The following GUCY1A2 variants were observed in gnomAD, a reference collection of about 807,000 sequenced individuals.
GUCY1A2 encodes the protein guanylate cyclase soluble subunit alpha-2.
Under a neutral mutation model 63.5 loss-of-function variants are expected in GUCY1A2, and 27 were observed. That is an observed-to-expected ratio of 0.43 (90% confidence interval 0.31 to 0.59). The LOEUF is 0.59. Ranked by LOEUF, GUCY1A2 falls within the 20% of genes least tolerant of loss-of-function variation. The pLI, the probability that GUCY1A2 is intolerant of heterozygous loss-of-function variation, is 0.11. For synonymous variants in GUCY1A2, 364 were observed against 343.5 expected, an observed-to-expected ratio of 1.06 and a Z score of -0.66; for missense variants, 768 against 913.3, an observed-to-expected ratio of 0.84 and a Z score of 2.05.
intron 4 of GUCY1A2, among the ~76,000 whole-genome samples, chr11:106,935,634 G>A (rs112622045): frequency 1.3e-5 from 2 of 152,098 alleles, no homozygotes; most frequent in Non-Finnish European, 2.9e-5. Context: ...GAGGTCAGGA[G>A]TTTGAGACGA....
intron 5 of GUCY1A2, among the ~76,000 whole-genome samples, chr11:106,780,212 C>CAAATATTAGAAACAAT (rs1259057025): frequency 9.9e-5 from 15 of 151,626 alleles, no homozygotes; most frequent in African/African-American, 3.6e-4. Flanking sequence ...ATTTAGTTTC[C>CAAATATTAGAAACAAT]AAATATTAGA....
Position 106,986,050 on chromosome 11 carries a change from C to T in GUCY1A2, c.365+20G>A, listed in dbSNP as rs763374332. 43 of 1,241,474 alleles carry T rather than the reference C, an allele frequency of 3.5e-5. 1 individual carries two copies. The highest frequency in any genetic ancestry group is 3.7e-4 in the Middle Eastern group (2 of 5,342). 76.9% of individuals were successfully genotyped at this position (1,241,474 alleles called of 1,614,324 possible). A position where few individuals can be genotyped will look rare whatever the true frequency, so the allele number is the denominator to read the frequency against. On this transcript the variant is annotated intron_variant, in intron 2 of 7. Coordinates refer to ENST00000526355, the MANE Select transcript of GUCY1A2 (RefSeq NM_000855.3). ...CCTTTAATTTGTCCCCAATAATAAC[C>T]GAAATCAATTTTTACTTACCCAATA...
At chr11:106,932,901 A>G (rs746850687) in intron 4 of GUCY1A2, among the ~76,000 whole-genome samples, 8 of 152,172 alleles carry the variant, frequency 5.3e-5, no homozygotes, top group Non-Finnish European at 8.8e-5. Context: ...GTGCTGGGAT[A>G]GCTGGCTAGC....
At chr11:106,758,881 G>A (rs930936141) in intron 6 of GUCY1A2, among the ~76,000 whole-genome samples, 2 of 152,178 alleles carry the variant, frequency 1.3e-5, no homozygotes, top group Non-Finnish European at 2.9e-5. Context: ...AAAGGGGAGA[G>A]ATGAAAGGCA....
intron 5 of GUCY1A2, among the ~76,000 whole-genome samples, chr11:106,787,072 G>A (rs1373225630): frequency 6.6e-6 from 1 of 151,746 alleles, no homozygotes; most frequent in African/African-American, 2.4e-5. Flanking sequence ...AAAATATTAA[G>A]AATTCATTTT....
In GUCY1A2 at chr11:106,708,655, T is replaced by A; in HGVS notation, c.1848A>T (p.Gly616=). The stretch of plus-strand genomic sequence containing the variant: ...CAGCCAGCACGGAGCCTGAGTGAAT[T>A]CCTATCCTCATCTAAAGAAGAATGA... ...PDGRPIQMRI[G]IHSGSVLAGV... The change falls in exon 7 of 8, where the codon GGA becomes GGT. Residue 616 remains glycine (G), a synonymous_variant. Transcript: ENST00000526355. The A allele has an allele frequency of 6.3e-7, 1 of 1,596,474 alleles. No individual in the cohort carries two copies. The highest frequency in any genetic ancestry group is 8.5e-7 in the Non-Finnish European group (1 of 1,169,604).
At chr11:106,895,321 T>A (rs927693892) in intron 4 of GUCY1A2, among the ~76,000 whole-genome samples, 1 of 152,212 alleles carries the variant, frequency 6.6e-6, no homozygotes, top group Non-Finnish European at 1.5e-5. Flanking sequence ...AAATAAATTA[T>A]ACCATGCCAT....
rs1363743543 is a variant in GUCY1A2 at position 107,018,174 on chromosome 11, G to A, written c.-119C>T. 5 of 449,542 alleles carry A rather than the reference G, an allele frequency of 1.1e-5. No homozygotes were observed. Among genetic ancestry groups the A allele is most frequent in the Non-Finnish European group, 1.7e-5 (5 of 299,810 alleles). 27.8% of individuals were successfully genotyped at this position (449,542 alleles called of 1,614,324 possible). A position where few individuals can be genotyped will look rare whatever the true frequency, so the allele number is the denominator to read the frequency against. ...AAGCGCGTCGGGGCCGCGGGGCGCT[G>A]CGGTCGCGCCCGGCGGGGCGGGAGT... On this transcript the variant is annotated 5_prime_UTR_variant, in exon 1 of 8. Coordinates refer to ENST00000526355, the MANE Select transcript of GUCY1A2 (RefSeq NM_000855.3).
intron 4 of GUCY1A2, among the ~76,000 whole-genome samples, chr11:106,825,466 G>T (rs1858956518): frequency 6.8e-6 from 1 of 146,270 alleles, no homozygotes; most frequent in Admixed American, 6.9e-5. Context: ...AAAAAAAATT[G>T]CAAGAAAAAT....
chr11:106,977,330 AT>A (rs1861275692), intron 3 of GUCY1A2, among the ~76,000 whole-genome samples: 2 of 151,774 alleles, frequency 1.3e-5, no homozygotes, highest in African/African-American at 4.8e-5. Flanking sequence ...CCCATCCCTT[AT>A]TTTCTCCAGT....
chr11:106,941,537 T>C (rs576703092), intron 3 of GUCY1A2, among the ~76,000 whole-genome samples: 1 of 152,318 alleles, frequency 6.6e-6, no homozygotes, highest in African/African-American at 2.4e-5. Context: ...ATTTCCATCA[T>C]CTCATTTGAA....
At chr11:107,014,556 C>T (rs1410496460) in intron 1 of GUCY1A2, among the ~76,000 whole-genome samples, 2 of 152,138 alleles carry the variant, frequency 1.3e-5, no homozygotes, top group Admixed American at 1.3e-4. Flanking sequence ...ATACAACTTA[C>T]TCTTATTAAA....
chr11:107,006,812 C>A (rs968138299), intron 1 of GUCY1A2, among the ~76,000 whole-genome samples: 1 of 152,166 alleles, frequency 6.6e-6, no homozygotes, highest in Non-Finnish European at 1.5e-5. Context: ...ACAGGTGAAC[C>A]TTTGGGATTA....
intron 4 of GUCY1A2, among the ~76,000 whole-genome samples, chr11:106,848,672 A>T (rs540081898): frequency 6.6e-6 from 1 of 151,656 alleles, no homozygotes; most frequent in Non-Finnish European, 1.5e-5. Context: ...TAATTTGTAC[A>T]CTGGCTTTGA....
At chr11:106,756,607 G>A (rs1863978099) in intron 6 of GUCY1A2, among the ~76,000 whole-genome samples, 1 of 152,090 alleles carries the variant, frequency 6.6e-6, no homozygotes, top group Admixed American at 6.5e-5. Flanking sequence ...CACTTATGAA[G>A]CTTAGTTTGG....
chr11:106,694,540 T>TCCGTTTCCCTTGGC (rs1271958577), intron 7 of GUCY1A2, among the ~76,000 whole-genome samples: 1 of 152,232 alleles, frequency 6.6e-6, no homozygotes, highest in African/African-American at 2.4e-5. Context: ...AACTGACCAT[T>TCCGTTTCCCTTGGC]AACAGTGACT....
chr11:106,873,433 T>C (rs1460854606), intron 4 of GUCY1A2, among the ~76,000 whole-genome samples: 3 of 152,150 alleles, frequency 2.0e-5, no homozygotes, highest in Non-Finnish European at 4.4e-5. Context: ...CAGCATCAAA[T>C]GTTTCTTCAG....
chr11:106,811,262 C>A (rs927076058), intron 4 of GUCY1A2, among the ~76,000 whole-genome samples: 5 of 152,002 alleles, frequency 3.3e-5, no homozygotes, highest in Non-Finnish European at 7.4e-5. Context: ...ACTTAGTGAA[C>A]ACAAGCTTAT....
chr11:106,972,066 G>T (rs1157150900), intron 3 of GUCY1A2, among the ~76,000 whole-genome samples: 1 of 152,050 alleles, frequency 6.6e-6, no homozygotes, highest in Non-Finnish European at 1.5e-5. Flanking sequence ...AACTGTCAAG[G>T]TCATCAAAAA....
Sources: allele counts gnomAD v4.1 joint callset (sites outside exome capture counted in the v4.1 genomes callset), GRCh38; gene constraint gnomAD v4.1.1; transcripts MANE v1.5; gene names NCBI Gene and HGNC (gene_info 2026-07-23, HGNC 2026-07-21).